SENP7: variants seen among roughly 807,000 people sequenced by gnomAD.
SENP7 encodes the protein SUMO specific peptidase 7, also known as sentrin-specific protease 7.
Under a neutral mutation model 141.2 loss-of-function variants are expected in SENP7, and 64 were observed. That is an observed-to-expected ratio of 0.45 (90% CI 0.37 to 0.56). The LOEUF (loss-of-function observed/expected upper bound fraction) is 0.56. Ranked by LOEUF, SENP7 falls within the 20% of genes least tolerant of loss-of-function variation. SENP7 has a pLI of 0.00. For synonymous variants in SENP7, 382 were observed against 426.4 expected, an observed-to-expected ratio of 0.90 and a Z score of 1.28; for missense variants, 1,025 against 1,212.2, an observed-to-expected ratio of 0.85 and a Z score of 2.29.
At chr3:101,415,960 G>T (rs968079819) in intron 5 of SENP7, among the ~76,000 whole-genome samples, 3 of 150,050 alleles carry the variant, frequency 2.0e-5, no homozygotes, top group Non-Finnish European at 3.0e-5. Flanking sequence ...ATATATATAT[G>T]TATATATGTT....
At chr3:101,472,819 T>C (rs7616958) in intron 3 of SENP7, among the ~76,000 whole-genome samples, 60,261 of 151,852 alleles carry the variant, frequency 0.4, 12,478 homozygotes, top group Admixed American at 0.54. Context: ...GGTAAACTTA[T>C]GTCATGGGGG....
At chr3:101,353,929 A>G (rs935964861) in intron 11 of SENP7, among the ~76,000 whole-genome samples, 1 of 151,998 alleles carries the variant, frequency 6.6e-6, no homozygotes. Context: ...AATTAATTTA[A>G]TTCTCTAATA....
chr3:101,416,100 G>A (rs1320459743), intron 5 of SENP7, among the ~76,000 whole-genome samples: 4 of 152,118 alleles, frequency 2.6e-5, no homozygotes, highest in African/African-American at 9.7e-5. Context: ...GAAAAGATGA[G>A]GTTCTCACTT....
intron 3 of SENP7, among the ~76,000 whole-genome samples, chr3:101,489,701 C>A (rs1314080049): frequency 6.6e-6 from 1 of 152,180 alleles, no homozygotes; most frequent in Non-Finnish European, 1.5e-5. Flanking sequence ...GCAACCACAT[C>A]ATAATAGTGA....
chr3:101,443,507 G>A (rs1169748156), intron 4 of SENP7, among the ~76,000 whole-genome samples: 2 of 151,738 alleles, frequency 1.3e-5, no homozygotes, highest in Admixed American at 1.3e-4. Context: ...GTAGCTTGAT[G>A]GGGATGCCAT....
At chr3:101,394,597 C>T (rs2060912386) in intron 6 of SENP7, among the ~76,000 whole-genome samples, 1 of 151,880 alleles carries the variant, frequency 6.6e-6, no homozygotes. Context: ...ACTGTAAGCT[C>T]CGCCTCCCAG....
At chr3:101,501,975 T>C (rs1461904961) in intron 1 of SENP7, among the ~76,000 whole-genome samples, 2 of 152,168 alleles carry the variant, frequency 1.3e-5, no homozygotes, top group East Asian at 1.9e-4. Flanking sequence ...ATACACAAAA[T>C]TAATTTGAAA....
intron 7 of SENP7, among the ~76,000 whole-genome samples, chr3:101,368,973 T>C (rs2060111203): frequency 6.6e-6 from 1 of 152,216 alleles, no homozygotes; most frequent in African/African-American, 2.4e-5. Flanking sequence ...ACCAATTTAC[T>C]TGCCAGTTTA....
intron 3 of SENP7, among the ~76,000 whole-genome samples, chr3:101,476,041 T>A (rs531173158): frequency 6.6e-6 from 1 of 152,260 alleles, no homozygotes; most frequent in South Asian, 2.1e-4. Context: ...GATTACACAC[T>A]CTTCTCACGA....
chr3:101,361,302 T>A (rs912387640), intron 11 of SENP7, among the ~76,000 whole-genome samples: 6 of 152,102 alleles, frequency 3.9e-5, no homozygotes, highest in African/African-American at 1.4e-4. Context: ...CTTTTTTAAT[T>A]AGAAAAACAG....
At chr3:101,510,137 T>C (rs2065789290) in intron 1 of SENP7, among the ~76,000 whole-genome samples, 1 of 152,254 alleles carries the variant, frequency 6.6e-6, no homozygotes, top group African/African-American at 2.4e-5. Context: ...GTGCTGTATT[T>C]TTGTTGTTTA....
chr3:101,426,411 T>C (rs1016705148), intron 4 of SENP7, among the ~76,000 whole-genome samples: 1 of 151,942 alleles, frequency 6.6e-6, no homozygotes, highest in Non-Finnish European at 1.5e-5. Flanking sequence ...TCAATGTTCT[T>C]AAAGAAAATA....
intron 2 of SENP7, among the ~76,000 whole-genome samples, chr3:101,499,046 AC>A (rs2065268632): frequency 6.6e-6 from 1 of 152,100 alleles, no homozygotes; most frequent in African/African-American, 2.4e-5. Flanking sequence ...TTGTAATCAT[AC>A]CGTAGTTATA....
intron 6 of SENP7, among the ~76,000 whole-genome samples, chr3:101,378,396 T>C (rs1193973704): frequency 6.6e-6 from 1 of 151,924 alleles, no homozygotes; most frequent in Non-Finnish European, 1.5e-5. Flanking sequence ...ATCAAAACAC[T>C]GTAACAGAAA....
intron 4 of SENP7, among the ~76,000 whole-genome samples, chr3:101,431,294 A>G (rs1488746636): frequency 6.6e-6 from 1 of 151,778 alleles, no homozygotes; most frequent in African/African-American, 2.4e-5. Context: ...AAAGTCTCCC[A>G]CTATTATTGT....
chr3:101,326,641 G>C (rs1462141831), intron 23 of SENP7, among the ~76,000 whole-genome samples: 1 of 152,206 alleles, frequency 6.6e-6, no homozygotes, highest in East Asian at 1.9e-4. Flanking sequence ...TACTGCTACA[G>C]TTCCTACAAA....
chr3:101,465,565 C>A (rs2063732383), intron 3 of SENP7, among the ~76,000 whole-genome samples: 2 of 152,170 alleles, frequency 1.3e-5, no homozygotes, highest in African/African-American at 4.8e-5. Context: ...TCCAAAAAAT[C>A]ATAAAAGATT....
chr3:101,410,268 CA>C (rs2061416826), intron 5 of SENP7, among the ~76,000 whole-genome samples: 1 of 151,952 alleles, frequency 6.6e-6, no homozygotes, highest in South Asian at 2.1e-4. Flanking sequence ...TGGCCATAAT[CA>C]AAAAATAGTA....
intron 1 of SENP7, 119 bp downstream of exon 1, chr3:101,512,972 T>A (rs1156420188): frequency 1.7e-6 from 2 of 1,163,286 alleles, no homozygotes; most frequent in African/African-American, 3.0e-5. Context: ...CGCCCCTTCC[T>A]CTCCCCGCCC....
Sources: allele counts gnomAD v4.1 joint callset (sites outside exome capture counted in the v4.1 genomes callset), GRCh38; gene constraint gnomAD v4.1.1; transcripts MANE v1.5; gene names NCBI Gene and HGNC (gene_info 2026-07-23, HGNC 2026-07-21).